Variants in SHROOM3 observed in about 807,000 individuals in gnomAD.
The protein encoded by SHROOM3 is protein Shroom3.
SHROOM3 carries 47 observed loss-of-function variants against 138.6 expected under a neutral mutation model. That is an observed-to-expected ratio of 0.34 (90% confidence interval 0.27 to 0.43). The LOEUF (loss-of-function observed/expected upper bound fraction) is 0.43, where lower values mean the gene tolerates loss of function less well. Among genes scored for constraint, SHROOM3 ranks in the 20% least tolerant of loss-of-function variants. SHROOM3 has a pLI of 1.00. For synonymous variants in SHROOM3, 1,062 were observed against 1,063.3 expected (o/e 1.00, Z 0.02); for missense variants, 2,491 against 2,596.5 (o/e 0.96, Z 0.88).
intron 2 of SHROOM3, among the ~76,000 whole-genome samples, chr4:76,668,551 C>T (rs562591038): frequency 3.3e-5 from 5 of 151,864 alleles, no homozygotes; most frequent in South Asian, 2.1e-4. Flanking sequence ...CCAGCTGGGG[C>T]GACAACAGCA....
intron 2 of SHROOM3, among the ~76,000 whole-genome samples, chr4:76,708,457 G>T (rs774086887): frequency 6.6e-5 from 10 of 151,992 alleles, no homozygotes; most frequent in Non-Finnish European, 1.5e-4. Context: ...ATACTACAAA[G>T]GTTTTATGAA....
chr4:76,520,247 C>T (rs1167156158), intron 1 of SHROOM3, among the ~76,000 whole-genome samples: 1 of 152,168 alleles, frequency 6.6e-6, no homozygotes, highest in Admixed American at 6.6e-5. Context: ...CATCTAATCC[C>T]TCTGCCTCTT....
At chr4:76,598,818 A>G (rs1045776997) in intron 2 of SHROOM3, among the ~76,000 whole-genome samples, 1 of 152,236 alleles carries the variant, frequency 6.6e-6, no homozygotes, top group Non-Finnish European at 1.5e-5. Flanking sequence ...ACATTAATAA[A>G]TAATTAAAAG....
At chr4:76,652,614 T>C in intron 2 of SHROOM3, among the ~76,000 whole-genome samples, 1 of 152,180 alleles carries the variant, frequency 6.6e-6, no homozygotes, top group East Asian at 1.9e-4. Context: ...GAATGGCCAA[T>C]AAAACTCATG....
chr4:76,527,866 C>T (rs1295162287), intron 1 of SHROOM3, among the ~76,000 whole-genome samples: 1 of 152,082 alleles, frequency 6.6e-6, no homozygotes, highest in African/African-American at 2.4e-5. Context: ...ATGTCACGTG[C>T]AGATTGGCTG....
At chr4:76,700,038 C>A (rs1012494010) in intron 2 of SHROOM3, among the ~76,000 whole-genome samples, 1 of 152,168 alleles carries the variant, frequency 6.6e-6, no homozygotes, top group African/African-American at 2.4e-5. Context: ...AGGAAGCTGG[C>A]CTCGTGTCCA....
chr4:76,562,642 C>T (rs995851010), intron 2 of SHROOM3, among the ~76,000 whole-genome samples: 2 of 152,192 alleles, frequency 1.3e-5, no homozygotes, highest in Non-Finnish European at 2.9e-5. Flanking sequence ...AATATTTTCA[C>T]TACCACCTCC....
chr4:76,622,688 A>AT (rs946648556), intron 2 of SHROOM3, among the ~76,000 whole-genome samples: 7 of 152,108 alleles, frequency 4.6e-5, no homozygotes, highest in African/African-American at 1.7e-4. Flanking sequence ...CGGGGAAGTA[A>AT]TTCCACCAAG....
chr4:76,477,863 A>C (rs1033753011), intron 1 of SHROOM3, among the ~76,000 whole-genome samples: 6 of 152,144 alleles, frequency 3.9e-5, no homozygotes, highest in Non-Finnish European at 8.8e-5. Flanking sequence ...TCACCTGGGA[A>C]GTGCAAGGGG....
chr4:76,779,446 G>A lies in SHROOM3; in HGVS notation c.*269G>A, dbSNP rs2109801064. 5.0e-6 allele frequency: 2 copies of A among 399,580 alleles called. No individual in the cohort carries two copies. The highest frequency in any genetic ancestry group is 4.3e-5 in the Admixed American group (1 of 23,136). 24.8% of individuals were successfully genotyped at this position (399,580 alleles called of 1,614,324 possible). On this transcript the variant is annotated 3_prime_UTR_variant, in exon 11 of 11. Transcript: ENST00000296043. ...AGTTAATGAAACTGAGAACTGATTG[G>A]AGGGTGTTTGATCATTTAGTTTTTA...
At chr4:76,613,803 T>C (rs1353467050) in intron 2 of SHROOM3, among the ~76,000 whole-genome samples, 1 of 152,144 alleles carries the variant, frequency 6.6e-6, no homozygotes, top group East Asian at 1.9e-4. Context: ...ACTTCACTCC[T>C]GAGGAAATGG....
At chr4:76,680,439 C>T (rs925986738) in intron 2 of SHROOM3, among the ~76,000 whole-genome samples, 6 of 152,212 alleles carry the variant, frequency 3.9e-5, no homozygotes, top group African/African-American at 7.2e-5. Context: ...GTACCTGGCC[C>T]GACCTATACC....
chr4:76,655,589 A>G (rs1255778574), intron 2 of SHROOM3, among the ~76,000 whole-genome samples: 1 of 152,244 alleles, frequency 6.6e-6, no homozygotes, highest in South Asian at 2.1e-4. Context: ...AGGGTTGCTC[A>G]CTTAACCTTT....
intron 1 of SHROOM3, among the ~76,000 whole-genome samples, chr4:76,545,443 T>C (rs531017656): frequency 6.6e-6 from 1 of 152,316 alleles, no homozygotes; most frequent in African/African-American, 2.4e-5. Context: ...ACTGGGTAAC[T>C]TCCTGCTCTG....
At chr4:76,630,044 T>G (rs1000776628) in intron 2 of SHROOM3, among the ~76,000 whole-genome samples, 4 of 151,594 alleles carry the variant, frequency 2.6e-5, no homozygotes, top group African/African-American at 9.8e-5. Flanking sequence ...TCTGGCCAAG[T>G]TGATCTTGAC....
chr4:76,482,695 A>C (rs1731642734), intron 1 of SHROOM3, among the ~76,000 whole-genome samples: 1 of 152,192 alleles, frequency 6.6e-6, no homozygotes, highest in South Asian at 2.1e-4. Context: ...TAGCCAAGAC[A>C]ATCCTAAGCA....
chr4:76,472,883 C>T (rs933578053), intron 1 of SHROOM3, among the ~76,000 whole-genome samples: 10 of 152,028 alleles, frequency 6.6e-5, no homozygotes, highest in Non-Finnish European at 1.2e-4. Flanking sequence ...TTAGTAGAGA[C>T]GGAGTTTCAC....
At chr4:76,491,238 C>T (rs1355036191) in intron 1 of SHROOM3, among the ~76,000 whole-genome samples, 3 of 152,158 alleles carry the variant, frequency 2.0e-5, no homozygotes, top group Non-Finnish European at 4.4e-5. Flanking sequence ...AAAGATGAAT[C>T]CAAGATCTCC....
intron 2 of SHROOM3, among the ~76,000 whole-genome samples, chr4:76,651,446 A>ATACC (rs1735960761): frequency 2.1e-5 from 2 of 97,090 alleles, no homozygotes; most frequent in African/African-American, 7.8e-5. Flanking sequence ...ATATATATAT[A>ATACC]CCTACTATGT....
Sources: gnomAD v4.1 joint callset for allele counts (sites outside exome capture counted in the v4.1 genomes callset) on GRCh38, gnomAD v4.1.1 for gene constraint, MANE v1.5 for transcripts, NCBI Gene and HGNC (gene_info 2026-07-23, HGNC 2026-07-21) for gene names.